The following ANO2 variants were observed in gnomAD, a reference collection of about 807,000 sequenced individuals.
The protein encoded by ANO2 is anoctamin-2.
Under a neutral mutation model 124.2 loss-of-function variants are expected in ANO2, and 101 were observed. The ratio of observed to expected loss-of-function variants is 0.81; its 90% CI spans 0.69 to 0.96. The LOEUF (loss-of-function observed/expected upper bound fraction) is 0.96, where lower values mean the gene tolerates loss of function less well. ANO2 is among the 40% of genes least tolerant of loss of function. The probability of loss-of-function intolerance (pLI) is 0.00; values close to 1 mark genes in which losing one functional copy is unlikely to be tolerated. For missense variants in ANO2, 1,293 were observed against 1,274.5 expected, an observed-to-expected ratio of 1.01 and a Z score of -0.22; for synonymous variants, 486 against 482.5, an observed-to-expected ratio of 1.01 and a Z score of -0.09.
intron 16 of ANO2, among the ~76,000 whole-genome samples, chr12:5,627,465 G>A (rs767310784): frequency 5.3e-5 from 8 of 152,148 alleles, no homozygotes; most frequent in African/African-American, 7.2e-5. Flanking sequence ...AGCCCACGCC[G>A]GCCAGGCCCA....
intron 7 of ANO2, 50 bp from the exon 8 acceptor site, chr12:5,807,418 C>T: frequency 6.8e-7 from 1 of 1,480,000 alleles, no homozygotes; most frequent in Non-Finnish European, 9.2e-7. Flanking sequence ...AAGCGTTTCT[C>T]AACTTAACCC....
At chr12:5,807,615 C>G (rs1388635100) in intron 7 of ANO2, among the ~76,000 whole-genome samples, 1 of 152,202 alleles carries the variant, frequency 6.6e-6, no homozygotes, top group Admixed American at 6.5e-5. Context: ...TCACATTCCT[C>G]CTGTCTTCAA....
At chr12:5,695,374 T>C (rs528510810) in intron 14 of ANO2, among the ~76,000 whole-genome samples, 3 of 145,650 alleles carry the variant, frequency 2.1e-5, no homozygotes, top group Non-Finnish European at 4.5e-5. Flanking sequence ...CACATGGAAC[T>C]TAAAAAAAAA....
chr12:5,943,954 GGT>G (rs1394022842), intron 1 of ANO2, among the ~76,000 whole-genome samples: 1 of 152,168 alleles, frequency 6.6e-6, no homozygotes, highest in Non-Finnish European at 1.5e-5. Context: ...TAGAACTTGA[GGT>G]GTGTGTTTGG....
chr12:5,753,847 A>G (rs749591652), intron 10 of ANO2, among the ~76,000 whole-genome samples: 16 of 152,106 alleles, frequency 1.1e-4, no homozygotes, highest in Non-Finnish European at 2.2e-4. Context: ...AGGCAATTTT[A>G]CTTCTTCCTT....
At chr12:5,722,089 T>C (rs1311521010) in intron 14 of ANO2, among the ~76,000 whole-genome samples, 1 of 152,214 alleles carries the variant, frequency 6.6e-6, no homozygotes, top group East Asian at 1.9e-4. Context: ...ACTTCCAACT[T>C]TTCTAATCTT....
chr12:5,883,139 G>C lies in ANO2; in HGVS notation c.535-28998C>G, dbSNP rs1241313765. On this transcript the variant is annotated intron_variant, in intron 3 of 24. Coordinates refer to ENST00000682330, the MANE Select transcript of ANO2 (RefSeq NM_001364791.2). ...CCCGTGTCAGCCTAAAATCTCATGA[G>C]TGGCTCCATTTTCCCTTTCCGGGCT... Among the ~76,000 whole-genome samples the C allele has an allele frequency of 2.6e-5, 4 of 151,864 alleles. No homozygotes were observed. In the East Asian group the frequency reaches 7.7e-4, roughly 29 times the overall value.
chr12:5,789,385 G>C (rs1952634095), intron 10 of ANO2, among the ~76,000 whole-genome samples: 1 of 152,216 alleles, frequency 6.6e-6, no homozygotes, highest in Non-Finnish European at 1.5e-5. Flanking sequence ...CAAATGAAAA[G>C]TTAAAAATCC....
chr12:5,869,605 C>A (rs1045876165), intron 3 of ANO2, among the ~76,000 whole-genome samples: 2 of 152,196 alleles, frequency 1.3e-5, no homozygotes, highest in African/African-American at 4.8e-5. Flanking sequence ...ATGCATGGCA[C>A]CCCTCAGTCA....
chr12:5,700,655 G>A (rs1013025866), intron 14 of ANO2, among the ~76,000 whole-genome samples: 20 of 152,134 alleles, frequency 1.3e-4, no homozygotes, highest in African/African-American at 4.8e-4. Flanking sequence ...CCAGGAGCTG[G>A]TTTTTGAAAA....
chr12:5,694,481 T>C (rs926520813), intron 14 of ANO2, among the ~76,000 whole-genome samples: 3 of 152,018 alleles, frequency 2.0e-5, no homozygotes, highest in Non-Finnish European at 4.4e-5. Context: ...CTCCCGAGTG[T>C]CCCCACAAAG....
chr12:5,797,374 T>G (rs1952895624), intron 10 of ANO2, among the ~76,000 whole-genome samples: 1 of 152,136 alleles, frequency 6.6e-6, no homozygotes, highest in South Asian at 2.1e-4. Context: ...TACTGAGGTC[T>G]CGGGTTGTGT....
intron 4 of ANO2, among the ~76,000 whole-genome samples, chr12:5,847,586 C>T (rs1270935211): frequency 6.6e-6 from 1 of 151,964 alleles, no homozygotes; most frequent in African/African-American, 2.4e-5. Context: ...TCAGGCCGGG[C>T]GAGCACCATG....
intron 20 of ANO2, chr12:5,584,137 C>CA (rs1555088574): frequency 4.8e-5 from 8 of 165,160 alleles, no homozygotes; most frequent in South Asian, 2.5e-4. Flanking sequence ...GAACACCCCC[C>CA]CCCCGCCGCA....
intron 10 of ANO2, among the ~76,000 whole-genome samples, chr12:5,784,601 A>G (rs146162995): frequency 1.2e-4 from 18 of 152,264 alleles, no homozygotes; most frequent in African/African-American, 2.9e-4. Flanking sequence ...CTCTGCCTCA[A>G]AGCAAAAATC....
chr12:5,682,337 T>TTC (rs3067753), intron 14 of ANO2, among the ~76,000 whole-genome samples: 17,364 of 149,984 alleles, frequency 0.12, 1,171 homozygotes, highest in African/African-American at 0.19. Context: ...CTCTTTCTCT[T>TTC]TCTCTCTCTC....
chr12:5,806,148 C>T, intron 8 of ANO2, 55 bp from the exon 9 acceptor site: 5 of 1,538,550 alleles, frequency 3.2e-6, no homozygotes, highest in Non-Finnish European at 4.4e-6. Flanking sequence ...GAAGCAGGTG[C>T]CAAAGGAGAA....
intron 20 of ANO2, chr12:5,584,109 G>A: frequency 4.8e-6 from 1 of 209,112 alleles, no homozygotes; most frequent in East Asian, 1.2e-4. Flanking sequence ...GGCTCCCTGT[G>A]TCATTCCTTA....
rs149979485 is a variant in ANO2, at chr12:5,806,484, G to A, written c.949-391C>T. Reference sequence around the variant, plus strand: ...TGCATATGCCACTGCAAATATGTCAGGAATTAGAAGACTGCCATCCGAAAA... The same window carrying A: ...TGCATATGCCACTGCAAATATGTCAAGAATTAGAAGACTGCCATCCGAAAA... On this transcript the variant is annotated intron_variant, in intron 8 of 24. Coordinates refer to ENST00000682330, the MANE Select transcript of ANO2 (RefSeq NM_001364791.2). Among the ~76,000 whole-genome samples the A allele has an allele frequency of 2.1e-3, 319 of 152,320 alleles. 1 individual carries two copies. The highest frequency in any genetic ancestry group is 0.01 in the Middle Eastern group (3 of 294).
Sources: gnomAD v4.1 joint callset for allele counts (sites outside exome capture counted in the v4.1 genomes callset) on GRCh38, gnomAD v4.1.1 for gene constraint, MANE v1.5 for transcripts, NCBI Gene and HGNC (gene_info 2026-07-23, HGNC 2026-07-21) for gene names.